Variants in PLCB4 observed in about 807,000 individuals in gnomAD.
PLCB4 encodes phospholipase C beta 4.
In PLCB4, 77 loss-of-function variants were observed where a neutral mutation model predicts 178.8. The observed-to-expected ratio is 0.43, with a 90% CI of 0.36 to 0.52. The LOEUF (loss-of-function observed/expected upper bound fraction) is 0.52, where lower values mean the gene tolerates loss of function less well. PLCB4 is among the 20% of genes least tolerant of loss of function. The pLI is 0.00. For missense variants in PLCB4, 1,024 were observed against 1,453.4 expected (o/e 0.70, Z 4.80); for synonymous variants, 496 against 490.8 (o/e 1.01, Z -0.14).
chr20:9,406,457 T>C (rs2039440780), intron 21 of PLCB4, among the ~76,000 whole-genome samples: 1 of 152,038 alleles, frequency 6.6e-6, no homozygotes, highest in Non-Finnish European at 1.5e-5. Flanking sequence ...ATGCTCAGAT[T>C]GTTAAGTGAT....
At chr20:9,254,453 G>A (rs893781775) in intron 3 of PLCB4, among the ~76,000 whole-genome samples, 15 of 152,136 alleles carry the variant, frequency 9.9e-5, no homozygotes, top group African/African-American at 2.9e-4. Flanking sequence ...CCAGCACTTC[G>A]GGAGGCCAAG....
intron 25 of PLCB4, among the ~76,000 whole-genome samples, chr20:9,416,594 A>G (rs957655817): frequency 6.6e-6 from 1 of 152,140 alleles, no homozygotes; most frequent in African/African-American, 2.4e-5. Context: ...CCTACTTTCC[A>G]TCCTGATTCT....
intron 3 of PLCB4, among the ~76,000 whole-genome samples, chr20:9,248,932 A>C (rs1328972359): frequency 6.6e-6 from 1 of 152,212 alleles, no homozygotes; most frequent in African/African-American, 2.4e-5. Context: ...GGGCTGGCAG[A>C]GCTGCTTTCC....
chr20:9,369,204 A>C (rs1240098599), intron 9 of PLCB4, among the ~76,000 whole-genome samples: 3 of 152,016 alleles, frequency 2.0e-5, no homozygotes, highest in Non-Finnish European at 4.4e-5. Context: ...TTTCATGCCC[A>C]CGTTGATCAG....
intron 2 of PLCB4, among the ~76,000 whole-genome samples, chr20:9,196,972 C>G (rs1601073474): frequency 1.3e-5 from 2 of 152,102 alleles, no homozygotes; most frequent in African/African-American, 2.4e-5. Context: ...ATGTAAAATG[C>G]AAGAAAGCAA....
intron 14 of PLCB4, among the ~76,000 whole-genome samples, chr20:9,385,214 A>G (rs1433477012): frequency 2.6e-5 from 4 of 152,092 alleles, no homozygotes; most frequent in Non-Finnish European, 5.9e-5. Flanking sequence ...TTCTTACTAC[A>G]CAGACACAGT....
At chr20:9,256,370 T>C (rs2094235744) in intron 3 of PLCB4, among the ~76,000 whole-genome samples, 1 of 152,116 alleles carries the variant, frequency 6.6e-6, no homozygotes, top group South Asian at 2.1e-4. Context: ...ACCTCCAGTG[T>C]CAAATGCACA....
intron 2 of PLCB4, among the ~76,000 whole-genome samples, chr20:9,204,531 T>C (rs2093592520): frequency 6.6e-6 from 1 of 152,068 alleles, no homozygotes; most frequent in African/African-American, 2.4e-5. Context: ...GGCTATTTTT[T>C]TTTGTATTTT....
intron 2 of PLCB4, among the ~76,000 whole-genome samples, chr20:9,111,876 C>G (rs1180586339): frequency 6.6e-6 from 1 of 152,084 alleles, no homozygotes; most frequent in Non-Finnish European, 1.5e-5. Context: ...ATTGCCTTCT[C>G]AAAGTATTTT....
chr20:9,210,951 C>T (rs921863294), intron 2 of PLCB4, among the ~76,000 whole-genome samples: 5 of 152,298 alleles, frequency 3.3e-5, no homozygotes, highest in African/African-American at 9.6e-5. Flanking sequence ...GAAACATAAA[C>T]ATATTAATAC....
intron 36 of PLCB4, among the ~76,000 whole-genome samples, chr20:9,469,774 A>G (rs780167087): frequency 9.2e-5 from 14 of 152,224 alleles, no homozygotes; most frequent in Non-Finnish European, 1.8e-4. Flanking sequence ...GCCAAGTGCA[A>G]GCCCTTTAGA....
At chr20:9,191,219 C>T (rs1045862608) in intron 2 of PLCB4, among the ~76,000 whole-genome samples, 5 of 152,140 alleles carry the variant, frequency 3.3e-5, no homozygotes, top group South Asian at 2.1e-4. Context: ...TGTGTGTCTC[C>T]GTCCAAAATT....
At chr20:9,116,489 T>C (rs1391787159) in intron 2 of PLCB4, among the ~76,000 whole-genome samples, 1 of 152,152 alleles carries the variant, frequency 6.6e-6, no homozygotes, top group Non-Finnish European at 1.5e-5. Context: ...GCCTCACCTA[T>C]CCTTATATCA....
intron 15 of PLCB4, 119 bp from the exon 16 acceptor site, chr20:9,389,760 C>T (rs1490112126): frequency 6.6e-6 from 4 of 606,686 alleles, no homozygotes; most frequent in Admixed American, 5.6e-5. Context: ...ATGGGGGCTC[C>T]AGGTCTGAAT....
intron 3 of PLCB4, among the ~76,000 whole-genome samples, chr20:9,296,304 T>C (rs1404765396): frequency 2.0e-5 from 3 of 151,952 alleles, no homozygotes; most frequent in Non-Finnish European, 4.4e-5. Context: ...AAAACCACAA[T>C]TGAGATACCA....
intron 2 of PLCB4, among the ~76,000 whole-genome samples, chr20:9,144,645 A>T (rs1365623667): frequency 7.0e-6 from 1 of 143,740 alleles, no homozygotes; most frequent in African/African-American, 2.7e-5. Context: ...AAAAAAAGAA[A>T]AGAAGAAGAA....
chr20:9,470,103 C>T (rs2044081755), intron 36 of PLCB4, among the ~76,000 whole-genome samples: 1 of 152,046 alleles, frequency 6.6e-6, no homozygotes, highest in African/African-American at 2.4e-5. Context: ...CCGAGGTGGG[C>T]AGATTACCTG....
At chr20:9,342,474 T>C (rs1398473992) in intron 7 of PLCB4, among the ~76,000 whole-genome samples, 3 of 152,198 alleles carry the variant, frequency 2.0e-5, no homozygotes, top group Admixed American at 2.0e-4. Flanking sequence ...GGTGCATTTT[T>C]GGTCAGTTTA....
In PLCB4 at chr20:9,409,141, C is replaced by A. The variant is rs773223036; in HGVS notation, c.1959C>A (p.Asn653Lys). 1 of 1,605,706 alleles carries A rather than the reference C, an allele frequency of 6.2e-7. No homozygotes were observed. Among genetic ancestry groups the A allele is most frequent in the African/African-American group, 1.3e-5 (1 of 74,136 alleles). ...ATTACATGCCTCAGATTTTCTGGAA[C>A]GCTGGCTGCCAGATGGTTTCACTGA... Reference protein sequence around the residue: ...SSNYMPQIFWNAGCQMVSLNY... With the variant: ...SSNYMPQIFWKAGCQMVSLNY... Residue 653 changes from asparagine to lysine, a missense_variant, in exon 24 of 40, where the codon AAC becomes AAA. Physicochemically the swap from Asn to Lys is moderately conservative, Grantham distance 94 (BLOSUM62 0). Around this residue, in one of 7 missense-constraint regions of PLCB4, gnomAD observed 4 missense variants for 42.5 expected, o/e 0.09. Transcript: ENST00000378473.
Sources: allele counts gnomAD v4.1 joint callset (sites outside exome capture counted in the v4.1 genomes callset), GRCh38; gene constraint gnomAD v4.1.1; regional missense constraint gnomAD v4.1.1; transcripts MANE v1.5; gene names NCBI Gene and HGNC (gene_info 2026-07-23, HGNC 2026-07-21).